The following PPIL4 variants were observed in gnomAD, a reference collection of about 807,000 sequenced individuals.
The protein encoded by PPIL4 is peptidylprolyl isomerase like 4.
PPIL4 carries 50 observed loss-of-function variants against 69.1 expected under a neutral mutation model. The ratio of observed to expected loss-of-function variants is 0.72; its 90% CI spans 0.58 to 0.92. PPIL4 has a LOEUF of 0.92. Among genes scored for constraint, PPIL4 ranks in the 40% least tolerant of loss-of-function variants. The probability of loss-of-function intolerance (pLI) is 0.00; values close to 1 mark genes in which losing one functional copy is unlikely to be tolerated. For synonymous variants in PPIL4, 193 were observed against 191.6 expected, an observed-to-expected ratio of 1.01 and a Z score of -0.06; for missense variants, 480 against 587.9, an observed-to-expected ratio of 0.82 and a Z score of 1.90.
chr6:149,507,214 T>C (rs1191547881), intron 12 of PPIL4, among the ~76,000 whole-genome samples: 1 of 152,228 alleles, frequency 6.6e-6, no homozygotes, highest in African/African-American at 2.4e-5. Flanking sequence ...AAATTATTAG[T>C]TATTCCATAT....
chr6:149,511,012 T>TTTGATGGCCAGCAGTATGTAAA, intron 12 of PPIL4, among the ~76,000 whole-genome samples: 1 of 152,166 alleles, frequency 6.6e-6, no homozygotes. Context: ...TCAAGGTCAC[T>TTTGATGGCCAGCAGTATGTAAA]TTGATGGCCA....
rs1251085834 is a variant in PPIL4 at position 149,540,936 on chromosome 6, C to T, written c.321+6G>A. 6.6e-7 allele frequency: 1 copy of T among 1,519,058 alleles called. No homozygotes were observed. Among genetic ancestry groups the T allele is most frequent in the Non-Finnish European group, 9.1e-7 (1 of 1,095,814 alleles). The allele number at this position is 1,519,058 out of a possible 1,614,324, so 94.1% of individuals were successfully genotyped here. A position where few individuals can be genotyped will look rare whatever the true frequency, so the allele number is the denominator to read the frequency against. On this transcript the variant is annotated splice_donor_region_variant and intron_variant, in intron 4 of 12. Transcript: ENST00000253329. Reference sequence around the variant, plus strand: ...GCAAATCTCATATTCTTACTCATTTCCTAACCTGAGATCCATGTTGATCAC... The same window carrying T: ...GCAAATCTCATATTCTTACTCATTTTCTAACCTGAGATCCATGTTGATCAC...
intron 7 of PPIL4, among the ~76,000 whole-genome samples, chr6:149,530,106 T>C (rs1161472844): frequency 6.6e-6 from 1 of 152,196 alleles, no homozygotes; most frequent in Admixed American, 6.6e-5. Context: ...TTCCACCGAA[T>C]GTACAACACA....
intron 7 of PPIL4, among the ~76,000 whole-genome samples, chr6:149,531,363 CAAAAAAA>C (rs34176914): frequency 4.6e-5 from 3 of 65,866 alleles, no homozygotes; most frequent in African/African-American, 1.2e-4. Flanking sequence ...GATTCTGTCT[CAAAAAAA>C]AAAAAAAAAA....
intron 12 of PPIL4, 38 bp from the exon 13 acceptor site, chr6:149,505,742 A>C: frequency 6.3e-7 from 1 of 1,579,606 alleles, no homozygotes; most frequent in Non-Finnish European, 8.6e-7. Context: ...GAATCAGTAA[A>C]ATAATCATTT....
chr6:149,531,900 C>T (rs1366306477), intron 7 of PPIL4, among the ~76,000 whole-genome samples: 2 of 152,140 alleles, frequency 1.3e-5, no homozygotes, highest in Non-Finnish European at 2.9e-5. Flanking sequence ...GAACTCCTGA[C>T]CTCGTGATCC....
At chr6:149,512,331 A>G in intron 11 of PPIL4, 29 bp from the exon 12 acceptor site, 1 of 1,555,202 alleles carries the variant, frequency 6.4e-7, no homozygotes, top group Non-Finnish European at 8.8e-7. Context: ...GATAAATGTG[A>G]TAAATAATAC....
At chr6:149,517,060 T>C (rs778421491) in intron 11 of PPIL4, 5 of 195,190 alleles carry the variant, frequency 2.6e-5, no homozygotes, top group African/African-American at 4.6e-5. Flanking sequence ...CTTCTGAGAA[T>C]ATGATAAGTA....
chr6:149,521,211 G>T, intron 9 of PPIL4, 40 bp from the exon 10 acceptor site: 2 of 1,191,462 alleles, frequency 1.7e-6, no homozygotes, highest in Non-Finnish European at 1.2e-6. Context: ...AATCTTTATG[G>T]AAAAGATTTC....
At chr6:149,507,968 T>C (rs1037006934) in intron 12 of PPIL4, among the ~76,000 whole-genome samples, 3 of 152,038 alleles carry the variant, frequency 2.0e-5, no homozygotes, top group Non-Finnish European at 2.9e-5. Flanking sequence ...GTAGTGTAAG[T>C]GAAAACTGAA....
rs751470305 is a variant in PPIL4 at position 149,505,506 on chromosome 6, G to T, written c.1426C>A (p.Arg476=). ...YERERSKKRD[R]SRSPKKSKDK... ...TTGGACTTCTTTGGACTTCTGCTTCGGTCTCTCTTTTTACTCCTTTCTCTT... is the reference window on the plus strand; with the variant it reads ...TTGGACTTCTTTGGACTTCTGCTTCTGTCTCTCTTTTTACTCCTTTCTCTT... Residue 476 remains arginine (R), a synonymous_variant, in exon 13 of 13, where the codon CGA becomes AGA. Transcript: ENST00000253329. 2 of 1,613,410 alleles carry T rather than the reference G, an allele frequency of 1.2e-6. No homozygotes were observed. Among genetic ancestry groups the T allele is most frequent in the Non-Finnish European group, 1.7e-6 (2 of 1,179,718 alleles).
At chr6:149,517,314 G>T in intron 11 of PPIL4, 40 bp downstream of exon 11, 1 of 1,066,098 alleles carries the variant, frequency 9.4e-7, no homozygotes, top group Non-Finnish European at 1.5e-6. Context: ...CATAGCAGAT[G>T]GTCAATACAT....
chr6:149,520,358 T>C lies in PPIL4; in HGVS notation c.982+702A>G, dbSNP rs1317805384. On this transcript the variant is annotated intron_variant, in intron 10 of 12. Coordinates refer to ENST00000253329, the MANE Select transcript of PPIL4 (RefSeq NM_139126.4). Reference sequence around the variant, plus strand: ...AATGAGACTTTTATCTACCTTTCCATGGACCTTTTCTATTTTGCATCATAT... The same window carrying C: ...AATGAGACTTTTATCTACCTTTCCACGGACCTTTTCTATTTTGCATCATAT... Among the ~76,000 whole-genome samples the C allele has an allele frequency of 3.3e-5, 5 of 152,112 alleles. 1 individual carries two copies. The highest frequency in any genetic ancestry group is 7.4e-5 in the Non-Finnish European group (5 of 68,020).
intron 9 of PPIL4, among the ~76,000 whole-genome samples, chr6:149,524,736 C>T (rs186719457): frequency 1.3e-5 from 2 of 152,148 alleles, no homozygotes; most frequent in South Asian, 2.1e-4. Flanking sequence ...CCTGTCTCTA[C>T]TAAAAATACA....
chr6:149,512,557 C>T (rs760553639), intron 11 of PPIL4, among the ~76,000 whole-genome samples: 17 of 151,930 alleles, frequency 1.1e-4, no homozygotes, highest in Non-Finnish European at 1.9e-4. Flanking sequence ...AAAAAATAAA[C>T]GTATTTGTCA....
chr6:149,517,949 G>A, intron 10 of PPIL4: 1 of 152,948 alleles, frequency 6.5e-6, no homozygotes, highest in Non-Finnish European at 1.5e-5. Context: ...CCGAGATCGT[G>A]CCACTGCACT....
chr6:149,535,600 T>C lies in PPIL4; in HGVS notation c.460A>G (p.Ile154Val), dbSNP rs758289674. The change falls in exon 5 of 13, where the codon ATC becomes GTC. Residue 154 changes from isoleucine to valine, a missense_variant. Ile to Val is a conservative substitution (Grantham distance 29, BLOSUM62 3). Coordinates refer to ENST00000253329, the MANE Select transcript of PPIL4 (RefSeq NM_139126.4). Reference sequence around the variant, plus strand: ...GATAGCAAATTGTAACCATACCTGATATCCTGATATGGTACAAAGTCCTTG... The same window carrying C: ...GATAGCAAATTGTAACCATACCTGACATCCTGATATGGTACAAAGTCCTTG... Reference protein sequence around the residue: ...VDKDFVPYQDIRINHTVILDD... With the variant: ...VDKDFVPYQDVRINHTVILDD... 6.2e-7 allele frequency: 1 copy of C among 1,608,532 alleles called. No individual in the cohort carries two copies. The highest frequency in any genetic ancestry group is 8.5e-7 in the Non-Finnish European group (1 of 1,177,342).
chr6:149,512,382 G>C, intron 11 of PPIL4, 80 bp from the exon 12 acceptor site: 1 of 1,072,718 alleles, frequency 9.3e-7, no homozygotes, highest in Non-Finnish European at 1.4e-6. Context: ...AACAAAGGAG[G>C]TCATAAGGCT....
At position 149,523,293 on chromosome 6, in the gene PPIL4, A is replaced by C. The variant is rs188287191; in HGVS notation, c.870+1850T>G. 2.0e-5 allele frequency among the ~76,000 whole-genome samples: 3 copies of C among 152,228 alleles called. No homozygotes were observed. The East Asian group carries it at 5.8e-4, about 29-fold the overall frequency. ...CACAGAGTGATCCTGTCCCTTAAAA[A>C]ACAAAAAAAAAGTAAAAGGAAATCC... On this transcript the variant is annotated intron_variant, in intron 9 of 12. Transcript: ENST00000253329.
Sources: allele counts gnomAD v4.1 joint callset (sites outside exome capture counted in the v4.1 genomes callset), GRCh38; gene constraint gnomAD v4.1.1; transcripts MANE v1.5; gene names NCBI Gene and HGNC (gene_info 2026-07-23, HGNC 2026-07-21).